Variants in CLTCL1 observed in about 807,000 individuals in gnomAD.
CLTCL1 encodes clathrin heavy chain like 1.
A neutral mutation model predicts 190.0 loss-of-function variants in CLTCL1; 159 were observed. That is an observed-to-expected ratio of 0.84 (90% confidence interval 0.74 to 0.95). The LOEUF is 0.95. Ranked by LOEUF, CLTCL1 falls within the 40% of genes least tolerant of loss-of-function variation. The pLI, the probability that CLTCL1 is intolerant of heterozygous loss-of-function variation, is 0.00. For synonymous variants in CLTCL1, 752 were observed against 769.6 expected, an observed-to-expected ratio of 0.98 and a Z score of 0.38; for missense variants, 1,878 against 2,033.4, an observed-to-expected ratio of 0.92 and a Z score of 1.47.
chr22:19,201,222 G>A, intron 23 of CLTCL1, 107 bp downstream of exon 23: 1 of 1,340,270 alleles, frequency 7.5e-7, no homozygotes, highest in Non-Finnish European at 1.0e-6. Context: ...TCAGACCCCT[G>A]CCTGGGCAAG....
intron 5 of CLTCL1, among the ~76,000 whole-genome samples, chr22:19,237,414 A>G (rs2086114977): frequency 6.6e-6 from 1 of 152,190 alleles, no homozygotes; most frequent in Non-Finnish European, 1.5e-5. Flanking sequence ...CCTTGATGGT[A>G]ACCAAGGGAA....
In CLTCL1 at chr22:19,221,403, C is replaced by T. The variant is rs2085563342; in HGVS notation, c.2770G>A (p.Gly924Arg). ...TTGATGAGCTCAAGGTCACACTGCCCCCGCTCATAGGCAACACAGGCCAGA... is the reference window on the plus strand; with the variant it reads ...TTGATGAGCTCAAGGTCACACTGCCTCCGCTCATAGGCAACACAGGCCAGA... Reference protein sequence around the residue: ...PHLACVAYERGQCDLELIKVC... With the variant: ...PHLACVAYERRQCDLELIKVC... Residue 924 changes from glycine (G) to arginine (R), a missense_variant, in exon 17 of 33, where the codon GGG (glycine) becomes AGG (arginine). Gly to Arg is a moderately radical substitution (Grantham distance 125). Transcript: ENST00000427926. The T allele has an allele frequency of 6.4e-7, 1 of 1,554,730 alleles. No individual in the cohort carries two copies. The highest frequency in any genetic ancestry group is 2.0e-5 in the Admixed American group (1 of 51,216).
chr22:19,274,899 T>C (rs1468617122), intron 2 of CLTCL1, among the ~76,000 whole-genome samples: 7 of 152,080 alleles, frequency 4.6e-5, no homozygotes, highest in African/African-American at 1.7e-4. Flanking sequence ...GCTAATTTTT[T>C]GTATTTTTAA....
In CLTCL1 at chr22:19,209,946, TA is replaced by T. The variant is rs2085166043; in HGVS notation, c.3249+379del. On this transcript the variant is annotated intron_variant, in intron 20 of 32. Coordinates refer to ENST00000427926, the MANE Select transcript of CLTCL1 (RefSeq NM_007098.4). The stretch of plus-strand genomic sequence containing the variant: ...TGAGGAGATGGGGGAATGGGGAGTA[TA>T]GGGGGTGAGTAGCATGGTGCAGAGG... 2.0e-5 allele frequency among the ~76,000 whole-genome samples: 3 copies of T among 151,256 alleles called. No individual in the cohort carries two copies. In the South Asian group the frequency reaches 6.3e-4, roughly 32 times the overall value.
rs368616857 is a variant in CLTCL1 at position 19,233,536 on chromosome 22, G to T, written c.1254C>A (p.Phe418Leu). ...GCTGACCCTGGTCGAGCAGGATTCC[G>T]AAGTACTGCAGCAATGGAGAAGCCT... Reference protein sequence around the residue: ...SGQASPLLQYFGILLDQGQLN... With the variant: ...SGQASPLLQYLGILLDQGQLN... The change falls in exon 8 of 33, where the codon TTC becomes TTA. Residue 418 changes from phenylalanine to leucine, a missense_variant. By Grantham distance (22) the Phe-to-Leu change is conservative. Coordinates refer to ENST00000427926, the MANE Select transcript of CLTCL1 (RefSeq NM_007098.4). 24 of 1,613,962 alleles carry T rather than the reference G, an allele frequency of 1.5e-5. No individual in the cohort carries two copies. The highest frequency in any genetic ancestry group is 2.0e-5 in the Non-Finnish European group (24 of 1,179,886).
chr22:19,275,920 T>A, intron 1 of CLTCL1, 90 bp from the exon 2 acceptor site: 1 of 1,194,124 alleles, frequency 8.4e-7, no homozygotes, highest in Non-Finnish European at 1.2e-6. Flanking sequence ...TTAAATAAAA[T>A]TTAGAAAAAA....
Position 19,242,837 on chromosome 22 carries a change from C to T in CLTCL1, c.619G>A (p.Glu207Lys), listed in dbSNP as rs1555966135. The T allele has an allele frequency of 1.2e-6, 2 of 1,613,998 alleles. No homozygotes were observed. The highest frequency in any genetic ancestry group is 8.5e-7 in the Non-Finnish European group (1 of 1,179,900). The change falls in exon 4 of 33, where the codon GAG becomes AAG. Residue 207 changes from glutamate to lysine, a missense_variant. Physicochemically the swap from Glu to Lys is moderately conservative, Grantham distance 56. Coordinates refer to ENST00000427926, the MANE Select transcript of CLTCL1 (RefSeq NM_007098.4). ...HAAAFAEFKM[E>K]GNAKPATLFC... ...AGGGTGGCAGGCTTGGCATTCCCCTCCATCTTGAACTCTGCAAAAGCCGCA... is the reference window on the plus strand; with the variant it reads ...AGGGTGGCAGGCTTGGCATTCCCCTTCATCTTGAACTCTGCAAAAGCCGCA...
chr22:19,259,411 C>A (rs576958215), intron 2 of CLTCL1, among the ~76,000 whole-genome samples: 4 of 150,882 alleles, frequency 2.7e-5, no homozygotes, highest in African/African-American at 9.7e-5. Context: ...TGAACAACAA[C>A]AACAAAAAAA....
intron 18 of CLTCL1, among the ~76,000 whole-genome samples, chr22:19,219,252 C>T (rs960264562): frequency 2.7e-5 from 4 of 146,388 alleles, no homozygotes; most frequent in Admixed American, 2.7e-4. Context: ...CAGTGGCGTG[C>T]AGTCTCGGCT....
chr22:19,210,283 G>A (rs782600910), intron 20 of CLTCL1, 43 bp downstream of exon 20: 3 of 1,587,496 alleles, frequency 1.9e-6, no homozygotes, highest in Non-Finnish European at 2.6e-6. Flanking sequence ...TCATGATGTG[G>A]CAGAAGGTGC....
intron 1 of CLTCL1, among the ~76,000 whole-genome samples, chr22:19,282,898 T>C (rs1379220453): frequency 1.3e-5 from 2 of 150,828 alleles, no homozygotes; most frequent in Non-Finnish European, 3.0e-5. Context: ...AGACAGAGTC[T>C]TACTCTGTCA....
chr22:19,199,751 G>A lies in CLTCL1; in HGVS notation c.3856C>T (p.Leu1286=). 1 of 1,589,004 alleles carries A rather than the reference G, an allele frequency of 6.3e-7. No individual in the cohort carries two copies. Residue 1286 remains leucine, a synonymous_variant, in exon 24 of 33, where the codon CTG becomes TTG. Transcript: ENST00000427926. ...IVIHADELEE[L]MCYYQDRGYF... Reference sequence around the variant, plus strand: ...CTGGTCACCTGGTAATAGCACATCAGCTCCTCCAGCTCATCTGCATGAATG... The same window carrying A: ...CTGGTCACCTGGTAATAGCACATCAACTCCTCCAGCTCATCTGCATGAATG...
At chr22:19,236,637 A>T (rs1555962362) in intron 5 of CLTCL1, among the ~76,000 whole-genome samples, 1 of 152,170 alleles carries the variant, frequency 6.6e-6, no homozygotes, top group African/African-American at 2.4e-5. Flanking sequence ...CTGAAAGAGA[A>T]TGAATCATAT....
At chr22:19,189,164 A>G (rs1555930141) in intron 27 of CLTCL1, among the ~76,000 whole-genome samples, 4 of 152,156 alleles carry the variant, frequency 2.6e-5, no homozygotes, top group Non-Finnish European at 5.9e-5. Flanking sequence ...TGGCCTCCCA[A>G]AGTGCTGGGA....
chr22:19,247,698 T>C (rs1203395110), intron 3 of CLTCL1, among the ~76,000 whole-genome samples: 5 of 151,916 alleles, frequency 3.3e-5, no homozygotes, highest in Non-Finnish European at 5.9e-5. Context: ...GTAGCTGGGA[T>C]TACAGGCACA....
intron 4 of CLTCL1, among the ~76,000 whole-genome samples, chr22:19,240,153 G>GCTATGTTGGCCAGGCTGGTCTCAAA (rs2086207302): frequency 2.0e-5 from 3 of 151,632 alleles, no homozygotes; most frequent in African/African-American, 7.3e-5. Flanking sequence ...ATGGGGTTTC[G>GCTATGTTGGCCAGGCTGGTCTCAAA]CTATGTTGGC....
At chr22:19,266,030 C>T (rs1189954582) in intron 2 of CLTCL1, among the ~76,000 whole-genome samples, 1 of 151,782 alleles carries the variant, frequency 6.6e-6, no homozygotes, top group Non-Finnish European at 1.5e-5. Flanking sequence ...CGTACTACCA[C>T]ACTGGCTAGT....
chr22:19,275,277 C>T (rs1292734888), intron 2 of CLTCL1, among the ~76,000 whole-genome samples: 2 of 152,072 alleles, frequency 1.3e-5, no homozygotes, highest in Non-Finnish European at 2.9e-5. Context: ...CGTCGGATGA[C>T]CGGAAGCACC....
At chr22:19,267,367 T>C (rs2146222334) in intron 2 of CLTCL1, among the ~76,000 whole-genome samples, 1 of 152,304 alleles carries the variant, frequency 6.6e-6, no homozygotes, top group South Asian at 2.1e-4. Context: ...CTTAATATTG[T>C]CAAGATAGCA....
Sources: allele counts gnomAD v4.1 joint callset (sites outside exome capture counted in the v4.1 genomes callset), GRCh38; gene constraint gnomAD v4.1.1; transcripts MANE v1.5; gene names NCBI Gene and HGNC (gene_info 2026-07-23, HGNC 2026-07-21).